The following ADARB2 variants were observed in gnomAD, a reference collection of about 807,000 sequenced individuals.
ADARB2 encodes inactive double-stranded RNA-specific editase B2.
ADARB2 carries 25 observed loss-of-function variants against 62.2 expected under a neutral mutation model. The ratio of observed to expected loss-of-function variants is 0.40; its 90% CI spans 0.29 to 0.56. The LOEUF is 0.56. Ranked by LOEUF, ADARB2 falls within the 20% of genes least tolerant of loss-of-function variation. The probability of loss-of-function intolerance (pLI) is 0.43; values close to 1 mark genes in which losing one functional copy is unlikely to be tolerated. For missense variants in ADARB2, 1,071 were observed against 1,077.4 expected, an observed-to-expected ratio of 0.99 and a Z score of 0.08; for synonymous variants, 572 against 500.8, an observed-to-expected ratio of 1.14 and a Z score of -1.90.
intron 2 of ADARB2, among the ~76,000 whole-genome samples, chr10:1,368,156 A>T (rs2820611): frequency 0.059 from 8,595 of 146,772 alleles, 835 homozygotes; most frequent in African/African-American, 0.2. Context: ...CGCAGGGGAC[A>T]CTCGGGCTCT....
chr10:1,598,400 A>C (rs1051418063), intron 1 of ADARB2, among the ~76,000 whole-genome samples: 2 of 152,268 alleles, frequency 1.3e-5, no homozygotes, highest in Admixed American at 6.5e-5. Context: ...AGAAATCTGC[A>C]GCTATAGCCC....
At chr10:1,366,651 G>A (rs560303411) in intron 2 of ADARB2, among the ~76,000 whole-genome samples, 5 of 152,266 alleles carry the variant, frequency 3.3e-5, no homozygotes, top group South Asian at 2.1e-4. Flanking sequence ...GATCACCCTC[G>A]TCTGTGTTGT....
intron 4 of ADARB2, among the ~76,000 whole-genome samples, chr10:1,262,287 T>TATAATAATAATAATAATAATAATA (rs55721350): frequency 1.5e-5 from 2 of 135,778 alleles, no homozygotes. Flanking sequence ...AAACTTAAAG[T>TATAATAATAATAATAATAATAATA]ATAATAATAA....
At chr10:1,300,174 T>G (rs2131816859) in intron 3 of ADARB2, among the ~76,000 whole-genome samples, 1 of 152,378 alleles carries the variant, frequency 6.6e-6, no homozygotes, top group East Asian at 1.9e-4. Context: ...AGTTGCCTCT[T>G]AAGTAGTCTC....
intron 1 of ADARB2, among the ~76,000 whole-genome samples, chr10:1,627,668 G>C (rs1833787658): frequency 6.6e-6 from 1 of 152,202 alleles, no homozygotes; most frequent in Non-Finnish European, 1.5e-5. Context: ...AGCACTGGCT[G>C]TTTTACAGAT....
At chr10:1,209,478 C>T (rs902287117) in intron 7 of ADARB2, among the ~76,000 whole-genome samples, 4 of 135,050 alleles carry the variant, frequency 3.0e-5, no homozygotes, top group African/African-American at 1.4e-4. Flanking sequence ...CACACCCATG[C>T]CCATGCCTAC....
chr10:1,707,790 A>C (rs1020020344), intron 1 of ADARB2, among the ~76,000 whole-genome samples: 9 of 152,210 alleles, frequency 5.9e-5, no homozygotes, highest in Admixed American at 6.5e-5. Flanking sequence ...AGCTTGGTTA[A>C]AGCTGTTTCC....
chr10:1,445,306 C>T (rs1015495011), intron 1 of ADARB2, among the ~76,000 whole-genome samples: 7 of 151,752 alleles, frequency 4.6e-5, no homozygotes, highest in African/African-American at 1.2e-4. Flanking sequence ...ATTCACCATC[C>T]GCCTACATCC....
chr10:1,261,784 A>G (rs1260277793), intron 4 of ADARB2, among the ~76,000 whole-genome samples: 5 of 150,466 alleles, frequency 3.3e-5, no homozygotes, highest in Middle Eastern at 6.8e-3. Context: ...CAGCCATTCC[A>G]TTACTGGGTA....
chr10:1,604,007 G>A (rs184067403), intron 1 of ADARB2, among the ~76,000 whole-genome samples: 2 of 152,106 alleles, frequency 1.3e-5, no homozygotes, highest in Admixed American at 1.3e-4. Context: ...GTTTCACTAT[G>A]TTGGCCAGGC....
At chr10:1,707,606 A>G (rs550289176) in intron 1 of ADARB2, among the ~76,000 whole-genome samples, 2 of 152,214 alleles carry the variant, frequency 1.3e-5, no homozygotes, top group Non-Finnish European at 2.9e-5. Context: ...CCTGTGCAGA[A>G]CTGTGCCTCA....
intron 1 of ADARB2, among the ~76,000 whole-genome samples, chr10:1,532,247 C>G (rs144294029): frequency 4.6e-5 from 7 of 152,310 alleles, no homozygotes; most frequent in African/African-American, 1.4e-4. Context: ...GTGATGCTTT[C>G]CCCCTTGAAG....
At chr10:1,613,987 A>G (rs1289553079) in intron 1 of ADARB2, among the ~76,000 whole-genome samples, 4 of 152,214 alleles carry the variant, frequency 2.6e-5, no homozygotes, top group Non-Finnish European at 5.9e-5. Flanking sequence ...ACTTTGTTTG[A>G]CTTGGTTAGT....
intron 3 of ADARB2, among the ~76,000 whole-genome samples, chr10:1,286,426 C>G (rs981347215): frequency 1.3e-5 from 2 of 152,216 alleles, no homozygotes; most frequent in African/African-American, 4.8e-5. Context: ...ATTTCAAAAT[C>G]AGGGACTGGT....
chr10:1,465,252 G>A (rs1831239575), intron 1 of ADARB2, among the ~76,000 whole-genome samples: 1 of 152,170 alleles, frequency 6.6e-6, no homozygotes. Context: ...CAGAGGGTGC[G>A]AGAGGGTTCC....
chr10:1,287,484 C>T (rs1170993101), intron 3 of ADARB2, among the ~76,000 whole-genome samples: 1 of 152,138 alleles, frequency 6.6e-6, no homozygotes, highest in Admixed American at 6.5e-5. Context: ...CAGAACCTGT[C>T]CCTCCTGTCT....
chr10:1,348,468 C>T (rs891331154), intron 3 of ADARB2, among the ~76,000 whole-genome samples: 44 of 152,060 alleles, frequency 2.9e-4, no homozygotes, highest in Admixed American at 1.1e-3. Context: ...AGTGCTTGCT[C>T]CCTGCGGCGT....
At chr10:1,585,108 G>T (rs1833156246) in intron 1 of ADARB2, among the ~76,000 whole-genome samples, 1 of 152,106 alleles carries the variant, frequency 6.6e-6, no homozygotes, top group South Asian at 2.1e-4. Flanking sequence ...TGTAAACTGT[G>T]AACTCTGGGT....
chr10:1,488,838 T>C (rs2820645), intron 1 of ADARB2, among the ~76,000 whole-genome samples: 78,183 of 151,844 alleles, frequency 0.51, 20,403 homozygotes, highest in East Asian at 0.7. Context: ...CTTGACGATA[T>C]CGTCTGACAG....
Sources: allele counts gnomAD v4.1 joint callset (sites outside exome capture counted in the v4.1 genomes callset), GRCh38; gene constraint gnomAD v4.1.1; transcripts MANE v1.5; gene names NCBI Gene and HGNC (gene_info 2026-07-23, HGNC 2026-07-21).